Variants in FAM117A observed in about 807,000 individuals in gnomAD.
The protein encoded by FAM117A is family with sequence similarity 117 member A, also known as protein FAM117A.
FAM117A carries 21 observed loss-of-function variants against 44.1 expected under a neutral mutation model. The observed-to-expected ratio is 0.48, with a 90% CI of 0.34 to 0.69. The LOEUF is 0.69. Ranked by LOEUF, FAM117A falls within the 30% of genes least tolerant of loss-of-function variation. The pLI is 0.01. For synonymous variants in FAM117A, 220 were observed against 238.3 expected (o/e 0.92, Z 0.71); for missense variants, 498 against 589.9 (o/e 0.84, Z 1.61).
intron 1 of FAM117A, among the ~76,000 whole-genome samples, chr17:49,761,764 T>A (rs145651057): frequency 6.6e-6 from 1 of 152,218 alleles, no homozygotes; most frequent in Non-Finnish European, 1.5e-5. Flanking sequence ...GAAGTTAACA[T>A]ATAAAAGCCC....
At chr17:49,780,275 A>AT (rs1248884938) in intron 1 of FAM117A, among the ~76,000 whole-genome samples, 4 of 152,262 alleles carry the variant, frequency 2.6e-5, no homozygotes, top group Admixed American at 6.5e-5. Context: ...ATGCAGTGTC[A>AT]TTTTTTTATC....
At chr17:49,736,221 T>A (rs1374890275) in intron 1 of FAM117A, among the ~76,000 whole-genome samples, 1 of 152,152 alleles carries the variant, frequency 6.6e-6, no homozygotes, top group Non-Finnish European at 1.5e-5. Context: ...TTAAATGATA[T>A]TAACATTCCT....
intron 2 of FAM117A, 50 bp from the exon 3 acceptor site, chr17:49,722,644 T>C: frequency 2.0e-6 from 3 of 1,483,282 alleles, no homozygotes; most frequent in Admixed American, 3.5e-5. Context: ...TGGCAGGCAC[T>C]GGGGAACAGG....
intron 1 of FAM117A, among the ~76,000 whole-genome samples, chr17:49,749,491 C>T (rs570216980): frequency 1.4e-5 from 2 of 144,920 alleles, no homozygotes; most frequent in South Asian, 2.2e-4. Flanking sequence ...GCAGGAGAAT[C>T]GCCTGAATCT....
At chr17:49,746,305 G>GA (rs939187206) in intron 1 of FAM117A, among the ~76,000 whole-genome samples, 5 of 148,514 alleles carry the variant, frequency 3.4e-5, no homozygotes, top group Admixed American at 6.7e-5. Flanking sequence ...AAAGTTGTAA[G>GA]AAAAAAAAAA....
intron 1 of FAM117A, among the ~76,000 whole-genome samples, chr17:49,777,800 G>A (rs1197010768): frequency 6.6e-6 from 1 of 152,136 alleles, no homozygotes; most frequent in Non-Finnish European, 1.5e-5. Flanking sequence ...CCTGAGAGAT[G>A]CAGCCATTTT....
At chr17:49,765,259 T>A (rs150402911), upstream of FAM117A, among the ~76,000 whole-genome samples, 35 of 152,362 alleles carry the variant, frequency 2.3e-4, no homozygotes, top group African/African-American at 8.2e-4. Context: ...GGATTGTCTG[T>A]GATTGGGGAC....
chr17:49,788,963 C>T (rs1425601141), upstream of FAM117A: 3 of 970,982 alleles, frequency 3.1e-6, no homozygotes, highest in South Asian at 3.6e-5. Context: ...TCCCCCGAAC[C>T]TTGTTCAGCT....
intron 1 of FAM117A, among the ~76,000 whole-genome samples, chr17:49,748,439 T>G (rs1156417067): frequency 6.6e-6 from 1 of 152,174 alleles, no homozygotes; most frequent in East Asian, 1.9e-4. Flanking sequence ...GCCCTGATTC[T>G]GGTTGGCCAC....
intron 1 of FAM117A, among the ~76,000 whole-genome samples, chr17:49,762,821 G>A (rs1218612514): frequency 1.3e-5 from 2 of 152,174 alleles, no homozygotes; most frequent in Non-Finnish European, 2.9e-5. Context: ...CCTCATGCAA[G>A]TAGGTTCCTT....
At chr17:49,758,634 A>AAT (rs1555598055) in intron 1 of FAM117A, among the ~76,000 whole-genome samples, 1 of 109,452 alleles carries the variant, frequency 9.1e-6, no homozygotes, top group Non-Finnish European at 1.8e-5. Flanking sequence ...AAAAAAAAAA[A>AAT]AATAAAATAA....
intron 1 of FAM117A, among the ~76,000 whole-genome samples, chr17:49,770,068 G>A (rs2073756437): frequency 1.3e-5 from 2 of 151,900 alleles, no homozygotes; most frequent in East Asian, 1.9e-4. Flanking sequence ...TCAGGAGTTC[G>A]AGACCAGCCT....
rs1442134963 is a variant in FAM117A at position 49,716,151 on chromosome 17, C to T, written c.1061+14G>A. On this transcript the variant is annotated intron_variant, in intron 7 of 7. Transcript: ENST00000240364. ...ACCCTCCCCTCCCACACCCTGTCCACTTGGTGTACTCACGTGGCTTCTTCA... is the reference window on the plus strand; with the variant it reads ...ACCCTCCCCTCCCACACCCTGTCCATTTGGTGTACTCACGTGGCTTCTTCA... The T allele has an allele frequency of 1.2e-6, 2 of 1,602,708 alleles. No individual in the cohort carries two copies. Among genetic ancestry groups the T allele is most frequent in the Non-Finnish European group, 8.5e-7 (1 of 1,173,476 alleles).
chr17:49,769,166 G>A lies in FAM117A; in HGVS notation c.-621+19331C>T, dbSNP rs145787561. Reference sequence around the variant, plus strand: ...AAAAATTAGCTGGCCATGGTGGCACGCGCCTGTAGTCCCAGCTGCTTGGGA... The same window carrying A: ...AAAAATTAGCTGGCCATGGTGGCACACGCCTGTAGTCCCAGCTGCTTGGGA... On this transcript the variant is annotated intron_variant, in intron 1 of 7. Transcript: ENST00000513602. 6.5e-3 allele frequency among the ~76,000 whole-genome samples: 984 copies of A among 152,088 alleles called. 10 individuals are homozygous for A. The highest frequency in any genetic ancestry group is 0.023 in the African/African-American group (938 of 41,466).
chr17:49,732,053 T>C (rs1431758253), intron 2 of FAM117A, among the ~76,000 whole-genome samples: 1 of 152,226 alleles, frequency 6.6e-6, no homozygotes, highest in Non-Finnish European at 1.5e-5. Flanking sequence ...CCAAAAGTGC[T>C]GAGATTATAG....
At chr17:49,763,867 G>T in intron 1 of FAM117A, 25 bp downstream of exon 1, 1 of 824,900 alleles carries the variant, frequency 1.2e-6, no homozygotes, top group Non-Finnish European at 1.4e-6. Context: ...CTCCTTCCAC[G>T]GCACCCGCTC....
At chr17:49,788,521 G>A (rs925330307) in exon 1 of FAM117A, 2 of 353,980 alleles carry the variant, frequency 5.7e-6, no homozygotes, top group Admixed American at 9.4e-5. Flanking sequence ...TTGGCTCCGG[G>A]TTCCACCACT....
chr17:49,721,952 A>T (rs2073536654), intron 3 of FAM117A, among the ~76,000 whole-genome samples: 1 of 152,034 alleles, frequency 6.6e-6, no homozygotes, highest in African/African-American at 2.4e-5. Flanking sequence ...TTCAAAAATT[A>T]GGTGGCTGTG....
chr17:49,785,933 G>C (rs930151456), intron 1 of FAM117A, among the ~76,000 whole-genome samples: 1 of 152,202 alleles, frequency 6.6e-6, no homozygotes, highest in Non-Finnish European at 1.5e-5. Flanking sequence ...TAGCCAGGGG[G>C]CAACCAGTCA....
Sources: allele counts gnomAD v4.1 joint callset (sites outside exome capture counted in the v4.1 genomes callset), GRCh38; gene constraint gnomAD v4.1.1; transcripts MANE v1.5; gene names NCBI Gene and HGNC (gene_info 2026-07-23, HGNC 2026-07-21).